Variants in CDH12 observed in about 807,000 individuals in gnomAD.
CDH12 encodes cadherin-12.
In CDH12, 41 loss-of-function variants were observed where a neutral mutation model predicts 74.1. That is an observed-to-expected ratio of 0.55 (90% CI 0.43 to 0.72). The LOEUF is 0.72. Ranked by LOEUF, CDH12 falls within the 30% of genes least tolerant of loss-of-function variation. CDH12 has a pLI of 0.00. For synonymous variants in CDH12, 399 were observed against 355.0 expected (o/e 1.12, Z -1.39); for missense variants, 945 against 977.2 (o/e 0.97, Z 0.44).
intron 4 of CDH12, among the ~76,000 whole-genome samples, chr5:22,176,313 A>G (rs1749336408): frequency 6.6e-6 from 1 of 152,032 alleles, no homozygotes; most frequent in African/African-American, 2.4e-5. Context: ...TCTTTTTTTG[A>G]AAGTCTGTCT....
At chr5:22,068,890 G>A (rs1367805934) in intron 5 of CDH12, among the ~76,000 whole-genome samples, 1 of 152,164 alleles carries the variant, frequency 6.6e-6, no homozygotes, top group Non-Finnish European at 1.5e-5. Context: ...AAGCTGACCT[G>A]GCTATAGCCA....
At chr5:22,025,007 T>C (rs1170257198) in intron 5 of CDH12, among the ~76,000 whole-genome samples, 1 of 152,150 alleles carries the variant, frequency 6.6e-6, no homozygotes, top group South Asian at 2.1e-4. Flanking sequence ...ACCCAACTGA[T>C]ACTCAGCTTA....
chr5:22,336,885 A>G (rs567083160), intron 3 of CDH12, among the ~76,000 whole-genome samples: 31 of 152,318 alleles, frequency 2.0e-4, no homozygotes, highest in East Asian at 7.7e-4. Flanking sequence ...CCATAATGGT[A>G]GATCCATTGA....
intron 3 of CDH12, among the ~76,000 whole-genome samples, chr5:22,220,991 T>TACACACACAC (rs546225606): frequency 4.0e-5 from 6 of 150,156 alleles, no homozygotes; most frequent in Non-Finnish European, 5.9e-5. Context: ...CTTCATCAAA[T>TACACACACAC]ACACACACAC....
chr5:21,834,377 T>A (rs1391454707), intron 8 of CDH12, among the ~76,000 whole-genome samples: 1 of 151,840 alleles, frequency 6.6e-6, no homozygotes, highest in Non-Finnish European at 1.5e-5. Flanking sequence ...ATGTACAGTA[T>A]CTAAATAATC....
At chr5:22,324,528 A>G (rs1739008003) in intron 3 of CDH12, among the ~76,000 whole-genome samples, 1 of 151,914 alleles carries the variant, frequency 6.6e-6, no homozygotes, top group Non-Finnish European at 1.5e-5. Flanking sequence ...TACTGAGTGT[A>G]TCTCAAGTTC....
intron 3 of CDH12, among the ~76,000 whole-genome samples, chr5:22,327,632 GAAAT>G (rs1739177715): frequency 1.3e-5 from 2 of 152,054 alleles, no homozygotes; most frequent in South Asian, 2.1e-4. Flanking sequence ...TGGACAAAAA[GAAAT>G]AAATAGACAT....
At chr5:22,003,816 C>G (rs2921483) in intron 5 of CDH12, among the ~76,000 whole-genome samples, 1,766 of 84,146 alleles carry the variant, frequency 0.021, 25 homozygotes, top group Non-Finnish European at 0.032. Context: ...AGCAGGCCCC[C>G]GCTTCCACAA....
At chr5:21,802,141 A>G in intron 10 of CDH12, 26 bp downstream of exon 10, 3 of 1,587,682 alleles carry the variant, frequency 1.9e-6, no homozygotes, top group Admixed American at 3.5e-5. Flanking sequence ...CCTGAAACAT[A>G]GAAAAAAAAT....
At chr5:21,931,415 C>T (rs1391881949) in intron 6 of CDH12, among the ~76,000 whole-genome samples, 2 of 152,130 alleles carry the variant, frequency 1.3e-5, no homozygotes, top group African/African-American at 4.8e-5. Context: ...TTAACATCAG[C>T]TGCAGTTCAG....
intron 5 of CDH12, among the ~76,000 whole-genome samples, chr5:22,000,027 A>G (rs1736513167): frequency 6.6e-6 from 1 of 151,870 alleles, no homozygotes. Context: ...TCTTTTTCCC[A>G]TGGTTGTTTG....
At chr5:22,175,253 T>C (rs997173055) in intron 4 of CDH12, among the ~76,000 whole-genome samples, 1 of 151,928 alleles carries the variant, frequency 6.6e-6, no homozygotes, top group Non-Finnish European at 1.5e-5. Context: ...TTGTGTGTAA[T>C]AGCATTAATT....
rs888898066 is a variant in CDH12, at chr5:22,245,593, T to A, written c.-332-32950A>T. Among the ~76,000 whole-genome samples the A allele has an allele frequency of 5.9e-5, 9 of 152,154 alleles. No individual in the cohort carries two copies. In the South Asian group the frequency reaches 1.9e-3, roughly 32 times the overall value. On this transcript the variant is annotated intron_variant, in intron 3 of 14. Coordinates refer to ENST00000382254, the MANE Select transcript of CDH12 (RefSeq NM_004061.5). ...TTTAAAAAAATTAATACCTTGAATG[T>A]AAGAACTACAGACTTAAATATATAT...
At chr5:22,728,663 G>T (rs1165234644) in intron 1 of CDH12, among the ~76,000 whole-genome samples, 4 of 151,886 alleles carry the variant, frequency 2.6e-5, no homozygotes, top group African/African-American at 9.7e-5. Flanking sequence ...ATTTTGGGAT[G>T]CTGAAGTCTA....
Position 22,207,827 on chromosome 5 carries a change from G to A in CDH12, c.-187+4671C>T, listed in dbSNP as rs562034453. Among the ~76,000 whole-genome samples the A allele has an allele frequency of 7.4e-4, 112 of 152,264 alleles. 1 individual carries two copies. In the South Asian group the frequency reaches 0.021, roughly 28 times the overall value. On this transcript the variant is annotated intron_variant, in intron 4 of 14. Coordinates refer to ENST00000382254, the MANE Select transcript of CDH12 (RefSeq NM_004061.5). ...TTCCTGGAAGTTTTGCAAGATCCAC[G>A]TGTTCATTGTTGCTAAGGAGAAAAA...
At chr5:22,606,168 C>T (rs1010315474) in intron 1 of CDH12, among the ~76,000 whole-genome samples, 1 of 152,134 alleles carries the variant, frequency 6.6e-6, no homozygotes, top group Non-Finnish European at 1.5e-5. Flanking sequence ...TCCTTAGTCC[C>T]AGCATCCAGG....
chr5:22,405,372 A>T (rs150601315), intron 2 of CDH12, 21 bp from the exon 3 acceptor site: 14,597 of 738,140 alleles, frequency 0.02, 171 homozygotes, highest in Middle Eastern at 0.029. Flanking sequence ...TGTAAAGAAA[A>T]TGCTTTAAGA....
chr5:22,670,681 G>T (rs781095771), intron 1 of CDH12, among the ~76,000 whole-genome samples: 5 of 151,792 alleles, frequency 3.3e-5, no homozygotes, highest in Admixed American at 6.6e-5. Context: ...TATTTCCTTG[G>T]TATAAATTCC....
chr5:21,922,220 T>A (rs1754385633), intron 6 of CDH12, among the ~76,000 whole-genome samples: 1 of 152,170 alleles, frequency 6.6e-6, no homozygotes, highest in South Asian at 2.1e-4. Flanking sequence ...TATTTCTCTC[T>A]TTATACACAG....
Sources: allele counts gnomAD v4.1 joint callset (sites outside exome capture counted in the v4.1 genomes callset), GRCh38; gene constraint gnomAD v4.1.1; transcripts MANE v1.5; gene names NCBI Gene and HGNC (gene_info 2026-07-23, HGNC 2026-07-21).